Variants in NCAN observed in about 807,000 individuals in gnomAD.
NCAN encodes neurocan.
Under a neutral mutation model 121.8 loss-of-function variants are expected in NCAN, and 47 were observed. The ratio of observed to expected loss-of-function variants is 0.39; its 90% CI spans 0.31 to 0.49. The LOEUF is 0.49. Among genes scored for constraint, NCAN ranks in the 20% least tolerant of loss-of-function variants. The probability of loss-of-function intolerance (pLI) is 0.92; values close to 1 mark genes in which losing one functional copy is unlikely to be tolerated. For synonymous variants in NCAN, 633 were observed against 702.0 expected (o/e 0.90, Z 1.55); for missense variants, 1,517 against 1,773.4 (o/e 0.86, Z 2.60).
chr19:19,246,335 G>A (rs771191922), intron 13 of NCAN, among the ~76,000 whole-genome samples: 4 of 152,044 alleles, frequency 2.6e-5, no homozygotes, highest in Non-Finnish European at 2.9e-5. Context: ...ACTGCACCTC[G>A]CCTTCATCTT....
chr19:19,228,014 C>T lies in NCAN; in HGVS notation c.2394C>T (p.Pro798=). 6.2e-7 allele frequency: 1 copy of T among 1,613,470 alleles called. No homozygotes were observed. The highest frequency in any genetic ancestry group is 1.1e-5 in the South Asian group (1 of 91,084). ...KGLDASSPSA[P]LGSPGVFLVP... Reference sequence around the variant, plus strand: ...TGGATGCAAGTTCCCCATCTGCCCCCCTGGGGAGCCCTGGAGTCTTCTTGG... The same window carrying T: ...TGGATGCAAGTTCCCCATCTGCCCCTCTGGGGAGCCCTGGAGTCTTCTTGG... Residue 798 remains proline, a synonymous_variant, in exon 8 of 15, where the codon CCC becomes CCT. Transcript: ENST00000252575.
chr19:19,219,350 G>A, intron 3 of NCAN, 34 bp downstream of exon 3: 1 of 1,462,574 alleles, frequency 6.8e-7, no homozygotes, highest in Non-Finnish European at 9.0e-7. Flanking sequence ...CCGGGGGCCG[G>A]GGAGAGGGAG....
At chr19:19,220,182 T>C (rs550901885) in intron 3 of NCAN, among the ~76,000 whole-genome samples, 5 of 151,990 alleles carry the variant, frequency 3.3e-5, no homozygotes, top group Admixed American at 6.6e-5. Context: ...AGTCTCACTC[T>C]TGTTGCCCAG....
rs888151836 is a variant in NCAN, at chr19:19,250,031, C to A, written c.*120C>A. On this transcript the variant is annotated 3_prime_UTR_variant, in exon 15 of 15. Coordinates refer to ENST00000252575, the MANE Select transcript of NCAN (RefSeq NM_004386.3). ...GAAGTCCCTGAACCCCAAACCACATCCCCCACACACATAATCCTTTGTACA... is the reference window on the plus strand; with the variant it reads ...GAAGTCCCTGAACCCCAAACCACATACCCCACACACATAATCCTTTGTACA... 3.0e-6 allele frequency: 3 copies of A among 989,384 alleles called. No individual in the cohort carries two copies. In the African/African-American group the frequency reaches 4.8e-5, roughly 16 times the overall value. The allele number at this position is 989,384 out of a possible 1,614,324, so 61.3% of individuals were successfully genotyped here.
intron 13 of NCAN, among the ~76,000 whole-genome samples, chr19:19,247,550 GC>G (rs2146561131): frequency 6.6e-6 from 1 of 151,870 alleles, no homozygotes; most frequent in South Asian, 2.1e-4. Context: ...ACCGCACCCG[GC>G]CCTTATTTTA....
At chr19:19,241,047 G>A (rs1265271453) in intron 12 of NCAN, among the ~76,000 whole-genome samples, 2 of 152,090 alleles carry the variant, frequency 1.3e-5, no homozygotes, top group African/African-American at 4.8e-5. Context: ...GGCCAAGGTG[G>A]GCACTTGAGA....
rs1477178928 is a variant in NCAN, at chr19:19,251,169, G to A, written c.*1258G>A. ...CTGTTACTCACTTTCAGCAGTCCGG[G>A]TAAAATCTGTGGATCAGGGTTAAAA... is the stretch of plus-strand genomic sequence containing the variant. On this transcript the variant is annotated 3_prime_UTR_variant, in exon 15 of 15. Transcript: ENST00000252575. 6.6e-6 allele frequency: 1 copy of A among 152,150 alleles called. No individual in the cohort carries two copies. The highest frequency in any genetic ancestry group is 2.4e-5 in the African/African-American group (1 of 41,436). The allele number at this position is 152,150 out of a possible 1,614,324, so 9.4% of individuals were successfully genotyped here.
intron 10 of NCAN, among the ~76,000 whole-genome samples, chr19:19,237,636 A>G (rs979995156): frequency 6.6e-6 from 1 of 152,140 alleles, no homozygotes; most frequent in Admixed American, 6.6e-5. Flanking sequence ...CTGAGCTCCC[A>G]TGTCCATACG....
At chr19:19,213,486 G>A (rs911469402) in intron 1 of NCAN, among the ~76,000 whole-genome samples, 4 of 119,038 alleles carry the variant, frequency 3.4e-5, no homozygotes, top group African/African-American at 6.5e-5. Context: ...ATGCTGTTCC[G>A]TTCATCAAGG....
At chr19:19,219,670 C>CATAAA (rs1464895297) in intron 3 of NCAN, among the ~76,000 whole-genome samples, 2 of 1,516 alleles carry the variant, frequency 1.3e-3, no homozygotes, top group African/African-American at 5.2e-3. Context: ...GAGACCCTGT[C>CATAAA]ACAAAAAAAA....
intron 9 of NCAN, 25 bp from the exon 10 acceptor site, chr19:19,234,958 C>T (rs1469240936): frequency 1.1e-5 from 16 of 1,516,534 alleles, no homozygotes; most frequent in Non-Finnish European, 1.8e-6. Flanking sequence ...TGACCTCTAA[C>T]TCAGTCTCTT....
intron 8 of NCAN, 66 bp downstream of exon 8, chr19:19,228,705 G>A (rs935054743): frequency 1.3e-6 from 2 of 1,507,968 alleles, no homozygotes; most frequent in Non-Finnish European, 8.9e-7. Flanking sequence ...CAGGGGCTGG[G>A]GGATCCCAGA....
At chr19:19,247,973 C>A (rs1244190718) in intron 13 of NCAN, among the ~76,000 whole-genome samples, 1 of 151,856 alleles carries the variant, frequency 6.6e-6, no homozygotes, top group African/African-American at 2.4e-5. Context: ...CATAGTGGGA[C>A]CCTGTCTTTA....
chr19:19,241,814 C>T (rs1294085611), intron 12 of NCAN, among the ~76,000 whole-genome samples: 1 of 151,820 alleles, frequency 6.6e-6, no homozygotes, highest in African/African-American at 2.4e-5. Context: ...GTCATGGATA[C>T]ACTAAAAGCC....
rs1369023207 is a variant in NCAN, at chr19:19,250,072, CT to C, written c.*168del. ...CCTTTGTACAAAGCTCCTCTTTTCC[CT>C]TTTTTTACATACACAAGATCCTCTT... On this transcript the variant is annotated 3_prime_UTR_variant, in exon 15 of 15. Transcript: ENST00000252575. 15 of 835,980 alleles carry C rather than the reference CT, an allele frequency of 1.8e-5. No homozygotes were observed. The highest frequency in any genetic ancestry group is 3.0e-5 in the Non-Finnish European group (15 of 504,280). 51.8% of individuals were successfully genotyped at this position (835,980 alleles called of 1,614,324 possible). A position where few individuals can be genotyped will look rare whatever the true frequency, so the allele number is the denominator to read the frequency against.
chr19:19,223,891 C>G, intron 3 of NCAN, 130 bp from the exon 4 acceptor site: 1 of 903,636 alleles, frequency 1.1e-6, no homozygotes, highest in Non-Finnish European at 1.5e-6. Context: ...CACCCTCGAC[C>G]CACACTGTGC....
intron 8 of NCAN, among the ~76,000 whole-genome samples, chr19:19,230,243 C>T (rs1341134834): frequency 6.6e-6 from 1 of 151,842 alleles, no homozygotes; most frequent in Non-Finnish European, 1.5e-5. Flanking sequence ...CAAGGCTTCA[C>T]CATGTTGGCC....
At chr19:19,226,398 G>A in intron 6 of NCAN, 88 bp from the exon 7 acceptor site, 2 of 1,034,092 alleles carry the variant, frequency 1.9e-6, no homozygotes, top group Admixed American at 2.3e-5. Flanking sequence ...GGCTTATGCT[G>A]CAGCATGCTG....
rs1419313863 is a variant in NCAN at position 19,224,338 on chromosome 19, A to T, written c.683A>T (p.Tyr228Phe). The T allele has an allele frequency of 1.9e-6, 3 of 1,614,036 alleles. No homozygotes were observed. The highest frequency in any genetic ancestry group is 2.5e-6 in the Non-Finnish European group (3 of 1,179,954). ...ATCACCCAGTCCCGTCCTGGTTGCT[A>T]TGGCGACCGTAGCAGCCTTCCAGGG... is the stretch of plus-strand genomic sequence containing the variant. ...YPITQSRPGC[Y>F]GDRSSLPGVR... The change falls in exon 5 of 15, where the codon TAT becomes TTT. Residue 228 changes from tyrosine to phenylalanine, a missense_variant. Coordinates refer to ENST00000252575, the MANE Select transcript of NCAN (RefSeq NM_004386.3).
Sources: gnomAD v4.1 joint callset for allele counts (sites outside exome capture counted in the v4.1 genomes callset) on GRCh38, gnomAD v4.1.1 for gene constraint, MANE v1.5 for transcripts, NCBI Gene and HGNC (gene_info 2026-07-23, HGNC 2026-07-21) for gene names.